Variants in FAM168A observed in about 807,000 individuals in gnomAD.
The protein encoded by FAM168A is family with sequence similarity 168 member A.
FAM168A carries 3 observed loss-of-function variants against 28.5 expected under a neutral mutation model. The ratio of observed to expected loss-of-function variants is 0.11; its 90% confidence interval spans 0.05 to 0.27. FAM168A has a LOEUF of 0.27. Ranked by LOEUF, FAM168A falls within the 10% of genes least tolerant of loss-of-function variation. The pLI is 1.00. For synonymous variants in FAM168A, 122 were observed against 124.2 expected, an observed-to-expected ratio of 0.98 and a Z score of 0.12; for missense variants, 222 against 311.5, an observed-to-expected ratio of 0.71 and a Z score of 2.16.
At chr11:73,581,401 T>C (rs370934154) in intron 1 of FAM168A, among the ~76,000 whole-genome samples, 13 of 152,228 alleles carry the variant, frequency 8.5e-5, no homozygotes, top group African/African-American at 3.1e-4. Context: ...GTATATCACA[T>C]TTATGAGCTT....
chr11:73,408,379 A>G (rs1212326267), intron 6 of FAM168A, among the ~76,000 whole-genome samples: 1 of 152,194 alleles, frequency 6.6e-6, no homozygotes, highest in Non-Finnish European at 1.5e-5. Context: ...CTGAGGAGTA[A>G]GAGGCCTCAA....
chr11:73,482,378 C>T (rs184784382), intron 1 of FAM168A, among the ~76,000 whole-genome samples: 1 of 151,746 alleles, frequency 6.6e-6, no homozygotes, highest in African/African-American at 2.4e-5. Context: ...AGATGAACAA[C>T]TGGATAGAAA....
chr11:73,549,231 C>T (rs909390330), intron 1 of FAM168A, among the ~76,000 whole-genome samples: 1 of 152,194 alleles, frequency 6.6e-6, no homozygotes. Context: ...CATGAGCCAC[C>T]ATGTCTGGCC....
chr11:73,439,527 G>A (rs376216171), intron 2 of FAM168A, among the ~76,000 whole-genome samples: 1 of 152,148 alleles, frequency 6.6e-6, no homozygotes, highest in African/African-American at 2.4e-5. Flanking sequence ...TTGCTTAGAC[G>A]CTAGTAATAT....
intron 1 of FAM168A, among the ~76,000 whole-genome samples, chr11:73,511,231 A>G (rs1855219319): frequency 6.6e-6 from 1 of 150,894 alleles, no homozygotes; most frequent in Admixed American, 6.6e-5. Context: ...GTAGCACTGA[A>G]TTTTTCTTTT....
intron 2 of FAM168A, among the ~76,000 whole-genome samples, chr11:73,433,654 G>T (rs912670014): frequency 6.6e-6 from 1 of 151,872 alleles, no homozygotes; most frequent in African/African-American, 2.4e-5. Flanking sequence ...TCTTCAAAAG[G>T]CTTATTTTAA....
intron 3 of FAM168A, chr11:73,430,300 G>A (rs968668011): frequency 4.0e-5 from 10 of 247,356 alleles, no homozygotes; most frequent in Non-Finnish European, 8.0e-5. Context: ...GTGTGTGTGT[G>A]TGTCCCAAGG....
chr11:73,435,072 C>T (rs892421871), intron 2 of FAM168A, among the ~76,000 whole-genome samples: 1 of 152,106 alleles, frequency 6.6e-6, no homozygotes, highest in Admixed American at 6.5e-5. Flanking sequence ...GATTAAATCC[C>T]TAAATCCCTA....
chr11:73,521,935 C>G (rs1209677840), intron 1 of FAM168A, among the ~76,000 whole-genome samples: 2 of 151,986 alleles, frequency 1.3e-5, no homozygotes, highest in Non-Finnish European at 2.9e-5. Context: ...AATTTGGGAA[C>G]AGTAGAGTTC....
chr11:73,409,777 T>C, intron 5 of FAM168A, 116 bp from the exon 6 acceptor site: 2 of 1,068,460 alleles, frequency 1.9e-6, no homozygotes, highest in Non-Finnish European at 2.7e-6. Context: ...CTGCTTGTCT[T>C]ACTATGTGAC....
At chr11:73,515,037 G>C (rs553573164) in intron 1 of FAM168A, among the ~76,000 whole-genome samples, 10 of 152,172 alleles carry the variant, frequency 6.6e-5, no homozygotes, top group Non-Finnish European at 1.3e-4. Flanking sequence ...GAAAGGAAAA[G>C]TACTTAACCT....
intron 2 of FAM168A, among the ~76,000 whole-genome samples, chr11:73,460,142 A>C (rs909389371): frequency 2.6e-5 from 4 of 152,054 alleles, no homozygotes; most frequent in Non-Finnish European, 2.9e-5. Context: ...GGCCTCCCAA[A>C]GTGCTGGGAT....
At chr11:73,408,173 C>T (rs1391302128) in intron 6 of FAM168A, among the ~76,000 whole-genome samples, 2 of 152,140 alleles carry the variant, frequency 1.3e-5, no homozygotes, top group African/African-American at 4.8e-5. Flanking sequence ...GCCCGGCCTT[C>T]CTTTTACTTT....
intron 4 of FAM168A, among the ~76,000 whole-genome samples, chr11:73,413,633 C>T (rs1029115140): frequency 7.2e-5 from 11 of 152,152 alleles, no homozygotes; most frequent in African/African-American, 1.7e-4. Context: ...ATGTGGACAA[C>T]GTACTATAGA....
chr11:73,596,980 A>G (rs1205707453), intron 1 of FAM168A, among the ~76,000 whole-genome samples: 1 of 152,102 alleles, frequency 6.6e-6, no homozygotes, highest in Admixed American at 6.5e-5. Context: ...TATCCTTTCA[A>G]TGAAAGCAGC....
At chr11:73,500,059 G>A (rs1854974814) in intron 1 of FAM168A, among the ~76,000 whole-genome samples, 2 of 152,010 alleles carry the variant, frequency 1.3e-5, no homozygotes, top group East Asian at 3.9e-4. Flanking sequence ...TCAACCCCAA[G>A]ACACATCATC....
rs552965673 is a variant in FAM168A at position 73,465,553 on chromosome 11, G to C, written c.70+2852C>G. Among the ~76,000 whole-genome samples the C allele has an allele frequency of 3.8e-5, 3 of 78,594 alleles. No individual in the cohort carries two copies. In the South Asian group the frequency reaches 7.9e-4, roughly 21 times the overall value. The allele number at this position is 78,594 out of a possible 152,430, so 51.6% of individuals were successfully genotyped here. A position where few individuals can be genotyped will look rare whatever the true frequency, so the allele number is the denominator to read the frequency against. On this transcript the variant is annotated intron_variant, in intron 2 of 7. Transcript: ENST00000356467. Reference sequence around the variant, plus strand: ...TTATTTCTCATAGCTCTGGAGGGTAGAAGTCCAAGATTAGGGTGCCAGCAT... The same window carrying C: ...TTATTTCTCATAGCTCTGGAGGGTACAAGTCCAAGATTAGGGTGCCAGCAT...
rs1866432837 is a variant in FAM168A at position 73,402,630 on chromosome 11, T to C, written c.*4133A>G. The C allele has an allele frequency of 6.6e-6, 1 of 152,232 alleles. No homozygotes were observed. The highest frequency in any genetic ancestry group is 2.1e-4 in the South Asian group (1 of 4,826). The allele number at this position is 152,232 out of a possible 1,614,324, so 9.4% of individuals were successfully genotyped here. On this transcript the variant is annotated 3_prime_UTR_variant, in exon 8 of 8. Transcript: ENST00000356467. ...GTACGTTTTGTACCAACTCACTGGA[T>C]CTGGACAGTGGGCAGGCTCTCAGGG... is the stretch of plus-strand genomic sequence containing the variant.
At chr11:73,526,203 T>C (rs894328069) in intron 1 of FAM168A, among the ~76,000 whole-genome samples, 2 of 152,044 alleles carry the variant, frequency 1.3e-5, no homozygotes, top group Non-Finnish European at 2.9e-5. Context: ...GTATAATAAA[T>C]GACACAAAAT....
Sources: allele counts gnomAD v4.1 joint callset (sites outside exome capture counted in the v4.1 genomes callset), GRCh38; gene constraint gnomAD v4.1.1; transcripts MANE v1.5; gene names NCBI Gene and HGNC (gene_info 2026-07-23, HGNC 2026-07-21).